LEO1: variants seen among roughly 807,000 people sequenced by gnomAD.
LEO1 encodes RNA polymerase-associated protein LEO1.
In LEO1, 34 loss-of-function variants were observed where a neutral mutation model predicts 80.4. That is an observed-to-expected ratio of 0.42 (90% confidence interval 0.32 to 0.56). LEO1 has a LOEUF of 0.56. LEO1 is among the 20% of genes least tolerant of loss of function. The pLI is 0.10. For missense variants in LEO1, 631 were observed against 814.2 expected (o/e 0.77, Z 2.74); for synonymous variants, 262 against 274.9 (o/e 0.95, Z 0.46).
rs370936008 is a variant in LEO1 at position 51,971,700 on chromosome 15, C to G, written c.46G>C (p.Ala16Pro). 1 of 1,614,198 alleles carries G rather than the reference C, an allele frequency of 6.2e-7. No homozygotes were observed. The highest frequency in any genetic ancestry group is 1.3e-5 in the African/African-American group (1 of 75,074). Residue 16 changes from alanine to proline, a missense_variant, in exon 1 of 12, where the codon GCT becomes CCT. Ala to Pro is a conservative substitution (Grantham distance 27). This residue lies in a region of LEO1 where 394 missense variants were observed against 395.6 expected (regional missense o/e 1.00). Coordinates refer to ENST00000299601, the MANE Select transcript of LEO1 (RefSeq NM_138792.4). Reference sequence around the variant, plus strand: ...CCAGCGAACCCACCTTTACGCTCAGCTTCGCTGTCGGCGTCGCTCCCGAAG... The same window carrying G: ...CCAGCGAACCCACCTTTACGCTCAGGTTCGCTGTCGGCGTCGCTCCCGAAG... ...DLFGSDADSE[A>P]ERKDSDSGSD...
At position 51,949,816 on chromosome 15, in the gene LEO1, C is replaced by G; in HGVS notation, c.1790G>C (p.Gly597Ala). 6.2e-7 allele frequency: 1 copy of G among 1,612,908 alleles called. No homozygotes were observed. Among genetic ancestry groups the G allele is most frequent in the Non-Finnish European group, 8.5e-7 (1 of 1,179,646 alleles). ...LAAIKNRYKG[G>A]IREERARIYS... ...TTCCATACACGACTCACCTCGAATGCCCCCTTTATATCGGTTTTTAATGGC... is the reference window on the plus strand; with the variant it reads ...TTCCATACACGACTCACCTCGAATGGCCCCTTTATATCGGTTTTTAATGGC... The change falls in exon 10 of 12, where the codon GGC becomes GCC. Residue 597 changes from glycine (G) to alanine (A), a missense_variant. Physicochemically the swap from Gly to Ala is moderately conservative, Grantham distance 60. Around this residue, in one of 4 missense-constraint regions of LEO1, gnomAD observed 117 missense variants for 163.5 expected, o/e 0.72. Coordinates refer to ENST00000299601, the MANE Select transcript of LEO1 (RefSeq NM_138792.4).
chr15:51,951,977 G>A lies in LEO1; in HGVS notation c.1478C>T (p.Pro493Leu). 6.2e-7 allele frequency: 1 copy of A among 1,611,226 alleles called. No individual in the cohort carries two copies. The highest frequency in any genetic ancestry group is 8.5e-7 in the Non-Finnish European group (1 of 1,178,366). The stretch of plus-strand genomic sequence containing the variant: ...ATGTGTGGCACTGTCCGTAGAGTGA[G>A]GTCTGCCAGGAAATAAACGAAGAGC... ...AVFKTKLTFR[P>L]HSTDSATHRK... The change falls in exon 9 of 12, where the codon CCT (proline) becomes CTT (leucine). Residue 493 changes from proline (P) to leucine (L), a missense_variant and splice_region_variant. Pro to Leu is a moderately conservative substitution (Grantham distance 98). Around this residue, in one of 4 missense-constraint regions of LEO1, gnomAD observed 25 missense variants for 83.5 expected, o/e 0.30. Transcript: ENST00000299601.
At position 51,943,392 on chromosome 15, in the gene LEO1, T is replaced by TA. The variant is rs200515012; in HGVS notation, c.1896+3899dup. 7.1e-3 allele frequency among the ~76,000 whole-genome samples: 1,029 copies of TA among 144,368 alleles called. 20 individuals are homozygous for TA. The East Asian group carries it at 0.075, about 10-fold the overall frequency. 94.7% of individuals were successfully genotyped at this position (144,368 alleles called of 152,430 possible). A position where few individuals can be genotyped will look rare whatever the true frequency, so the allele number is the denominator to read the frequency against. On this transcript the variant is annotated intron_variant, in intron 11 of 11. Coordinates refer to ENST00000299601, the MANE Select transcript of LEO1 (RefSeq NM_138792.4). ...AAAATCCATCTCAAAAATAAATAAA[T>TA]AAATAAAATAAAATAAATTTAAAAA...
At chr15:51,956,827 A>C (rs961607779) in intron 6 of LEO1, among the ~76,000 whole-genome samples, 1 of 152,038 alleles carries the variant, frequency 6.6e-6, no homozygotes, top group Non-Finnish European at 1.5e-5. Flanking sequence ...CATATTTATA[A>C]ATTTTTTTTT....
intron 11 of LEO1, among the ~76,000 whole-genome samples, chr15:51,942,612 T>A (rs571445097): frequency 2.6e-5 from 4 of 152,194 alleles, no homozygotes; most frequent in African/African-American, 9.6e-5. Context: ...TTAAAACAAA[T>A]ACGTTGCAGA....
intron 2 of LEO1, 31 bp downstream of exon 2, chr15:51,965,718 T>C (rs750214120): frequency 3.2e-6 from 5 of 1,564,910 alleles, no homozygotes; most frequent in Non-Finnish European, 4.3e-6. Context: ...TGCTTCTTTC[T>C]GAGCCATTCT....
At chr15:51,954,742 T>C (rs1211542900) in intron 6 of LEO1, 167 bp from the exon 7 acceptor site, 4 of 574,500 alleles carry the variant, frequency 7.0e-6, no homozygotes, top group Admixed American at 3.1e-5. Context: ...CCTAGAGAGG[T>C]TGGATAAATT....
chr15:51,954,771 A>G (rs1047019892), intron 6 of LEO1, 196 bp from the exon 7 acceptor site: 47 of 547,374 alleles, frequency 8.6e-5, no homozygotes, highest in Non-Finnish European at 1.3e-4. Flanking sequence ...GGAAAAAAAT[A>G]TGCTTAAGTG....
chr15:51,961,398 T>C (rs1407517771), intron 3 of LEO1, among the ~76,000 whole-genome samples: 3 of 149,408 alleles, frequency 2.0e-5, no homozygotes, highest in Admixed American at 2.0e-4. Context: ...TTGCGGTTGT[T>C]GTTGTTGTTT....
intron 9 of LEO1, among the ~76,000 whole-genome samples, chr15:51,951,415 C>A (rs1197951346): frequency 6.6e-6 from 1 of 152,216 alleles, no homozygotes; most frequent in Non-Finnish European, 1.5e-5. Context: ...ACCTTAAAAA[C>A]TCATAAGCTC....
chr15:51,964,645 G>A (rs2057060513), intron 2 of LEO1, among the ~76,000 whole-genome samples: 1 of 151,732 alleles, frequency 6.6e-6, no homozygotes, highest in African/African-American at 2.4e-5. Context: ...GAAATATGCT[G>A]CCCTCCTCTT....
intron 11 of LEO1, among the ~76,000 whole-genome samples, chr15:51,942,356 T>G (rs1454782850): frequency 6.6e-6 from 1 of 152,106 alleles, no homozygotes; most frequent in Non-Finnish European, 1.5e-5. Context: ...GAGGCATTTT[T>G]AAGTCAGGCA....
chr15:51,945,253 C>CAAAAAAAAAAA (rs1727715745), intron 11 of LEO1, among the ~76,000 whole-genome samples: 1 of 24,958 alleles, frequency 4.0e-5, no homozygotes, highest in Non-Finnish European at 6.5e-5. Context: ...CCCATCTCTA[C>CAAAAAAAAAAA]AAAAAATACA....
At chr15:51,962,314 A>G in intron 3 of LEO1, 75 bp downstream of exon 3, 2 of 948,314 alleles carry the variant, frequency 2.1e-6, no homozygotes, top group Non-Finnish European at 1.6e-6. Flanking sequence ...AAACACACTC[A>G]GGGTTAGAAA....
Position 51,938,129 on chromosome 15 carries a change from A to G in LEO1, c.*27T>C. The G allele has an allele frequency of 8.6e-7, 1 of 1,163,288 alleles. No individual in the cohort carries two copies. The highest frequency in any genetic ancestry group is 1.3e-6 in the Non-Finnish European group (1 of 790,818). 72.1% of individuals were successfully genotyped at this position (1,163,288 alleles called of 1,614,324 possible). A position where few individuals can be genotyped will look rare whatever the true frequency, so the allele number is the denominator to read the frequency against. On this transcript the variant is annotated 3_prime_UTR_variant, in exon 12 of 12. Coordinates refer to ENST00000299601, the MANE Select transcript of LEO1 (RefSeq NM_138792.4). ...CATATTTATAACTGTACAATAAAAT[A>G]TATAAAATGTTTTCATATTTCATAC...
rs184245125 is a variant in LEO1 at position 51,953,070 on chromosome 15, A to T, written c.1475+59T>A. ...CAATCAGGTGGCAGGCATTACAGAA[A>T]CATCTATGTTTCACTGCTTTTACCA... On this transcript the variant is annotated intron_variant, in intron 8 of 11. Coordinates refer to ENST00000299601, the MANE Select transcript of LEO1 (RefSeq NM_138792.4). The T allele has an allele frequency of 5.1e-5, 73 of 1,437,748 alleles. No homozygotes were observed. The African/African-American group carries it at 9.6e-4, about 19-fold the overall frequency. 89.1% of individuals were successfully genotyped at this position (1,437,748 alleles called of 1,614,324 possible). A position where few individuals can be genotyped will look rare whatever the true frequency, so the allele number is the denominator to read the frequency against.
Position 51,966,140 on chromosome 15 carries a change from A to T in LEO1, c.423T>A (p.Asp141Glu). Reference protein sequence around the residue: ...EAEGSEKAHSDDEKWGREDKS... With the variant: ...EAEGSEKAHSEDEKWGREDKS... ...TATCTTCTCTGCCCCATTTTTCATC[A>T]TCTGAATGTGCTTTTTCAGAACCTT... is the stretch of plus-strand genomic sequence containing the variant. The change falls in exon 2 of 12, where the codon GAT (aspartate) becomes GAA (glutamate). Residue 141 changes from aspartate (D) to glutamate (E), a missense_variant. Asp to Glu is a conservative substitution (Grantham distance 45). Transcript: ENST00000299601. 1 of 1,613,798 alleles carries T rather than the reference A, an allele frequency of 6.2e-7. No homozygotes were observed. Among genetic ancestry groups the T allele is most frequent in the Non-Finnish European group, 8.5e-7 (1 of 1,179,982 alleles).
At position 51,940,404 on chromosome 15, in the gene LEO1, C is replaced by T. The variant is rs145903083; in HGVS notation, c.1897-2144G>A. Among the ~76,000 whole-genome samples the T allele has an allele frequency of 1.7e-3, 240 of 143,906 alleles. 3 individuals are homozygous for T. The East Asian group carries it at 0.032, about 19-fold the overall frequency. 94.4% of individuals were successfully genotyped at this position (143,906 alleles called of 152,430 possible). A position where few individuals can be genotyped will look rare whatever the true frequency, so the allele number is the denominator to read the frequency against. ...TGAAACCCCATCTCTACTAAAACTACAAAAAAATTAGCCAGGCGTGATGGC... is the reference window on the plus strand; with the variant it reads ...TGAAACCCCATCTCTACTAAAACTATAAAAAAATTAGCCAGGCGTGATGGC... On this transcript the variant is annotated intron_variant, in intron 11 of 11. Coordinates refer to ENST00000299601, the MANE Select transcript of LEO1 (RefSeq NM_138792.4).
chr15:51,953,065 C>T (rs2056961756), intron 8 of LEO1, 64 bp downstream of exon 8: 1 of 1,381,716 alleles, frequency 7.2e-7, no homozygotes. Flanking sequence ...GCAGGCATTA[C>T]AGAAACATCT....
Sources: allele counts gnomAD v4.1 joint callset (sites outside exome capture counted in the v4.1 genomes callset), GRCh38; gene constraint gnomAD v4.1.1; regional missense constraint gnomAD v4.1.1; transcripts MANE v1.5; gene names NCBI Gene and HGNC (gene_info 2026-07-23, HGNC 2026-07-21).